Variants in FER1L6 observed in about 807,000 individuals in gnomAD.
FER1L6 encodes fer-1 like family member 6.
A neutral mutation model predicts 219.2 loss-of-function variants in FER1L6; 177 were observed. The ratio of observed to expected loss-of-function variants is 0.81; its 90% CI spans 0.71 to 0.91. The LOEUF (loss-of-function observed/expected upper bound fraction) is 0.91. Among genes scored for constraint, FER1L6 ranks in the 40% least tolerant of loss-of-function variants. The pLI is 0.00. For missense variants in FER1L6, 2,153 were observed against 2,259.9 expected, an observed-to-expected ratio of 0.95 and a Z score of 0.96; for synonymous variants, 768 against 824.3, an observed-to-expected ratio of 0.93 and a Z score of 1.17.
chr8:124,001,921 C>T (rs558378770), intron 12 of FER1L6, among the ~76,000 whole-genome samples: 181 of 152,286 alleles, frequency 1.2e-3, no homozygotes, highest in African/African-American at 4.2e-3. Context: ...TTCCCAGAAA[C>T]GAAACTTGGG....
intron 30 of FER1L6, 99 bp downstream of exon 30, chr8:124,070,697 A>G: frequency 9.3e-7 from 1 of 1,075,606 alleles, no homozygotes; most frequent in Non-Finnish European, 1.3e-6. Flanking sequence ...GGATGTGTGT[A>G]GGGAAAATCC....
intron 12 of FER1L6, among the ~76,000 whole-genome samples, chr8:123,998,573 G>T (rs1295943884): frequency 6.6e-6 from 1 of 152,008 alleles, no homozygotes; most frequent in Non-Finnish European, 1.5e-5. Context: ...TACTGCCTGT[G>T]TTCAGTCAAG....
At chr8:123,900,123 A>C (rs1812830696) in intron 1 of FER1L6, among the ~76,000 whole-genome samples, 1 of 152,210 alleles carries the variant, frequency 6.6e-6, no homozygotes, top group African/African-American at 2.4e-5. Flanking sequence ...CTACCCATCC[A>C]TGAGCATGAG....
chr8:124,084,990 G>T (rs1438258794), intron 33 of FER1L6, among the ~76,000 whole-genome samples: 1 of 152,010 alleles, frequency 6.6e-6, no homozygotes, highest in Non-Finnish European at 1.5e-5. Flanking sequence ...TTGGTAGGTT[G>T]TATGTTTCTA....
In FER1L6 at chr8:124,114,895, GTATATATATATATATATATA is replaced by G. The variant is rs71289637; in HGVS notation, c.5290-3929_5290-3910del. 2.2e-3 allele frequency among the ~76,000 whole-genome samples: 195 copies of G among 90,066 alleles called. 4 individuals carry two copies. The highest frequency in any genetic ancestry group is 0.01 in the South Asian group (22 of 2,168). 59.1% of individuals were successfully genotyped at this position (90,066 alleles called of 152,430 possible). Reference sequence around the variant, plus strand: ...ACATATATATGCAGTGTGTGTGTGCGTATATATATATATATATATATATATATATATATATATATTCCTTT... The same window carrying G: ...ACATATATATGCAGTGTGTGTGTGCGTATATATATATATATATATTCCTTT... On this transcript the variant is annotated intron_variant, in intron 39 of 40. Transcript: ENST00000522917.
intron 1 of FER1L6, among the ~76,000 whole-genome samples, chr8:123,856,745 G>A (rs1428857347): frequency 1.3e-5 from 2 of 151,954 alleles, no homozygotes; most frequent in African/African-American, 4.8e-5. Context: ...TATGTGCAGT[G>A]CAAATGGATT....
intron 1 of FER1L6, among the ~76,000 whole-genome samples, chr8:123,880,088 T>C (rs1404575998): frequency 2.0e-5 from 3 of 152,162 alleles, no homozygotes; most frequent in Non-Finnish European, 4.4e-5. Flanking sequence ...TCCCTAAGGT[T>C]CTCGGAGAAA....
rs193092188 is a variant in FER1L6 at position 124,029,621 on chromosome 8, T to C, written c.2287-5656T>C. ...CCCTCCTTTTAATGGGGTTGTTTTT[T>C]TCTTGTAAATTTGTTTAAGTTCTTT... On this transcript the variant is annotated intron_variant, in intron 18 of 40. Coordinates refer to ENST00000522917, the MANE Select transcript of FER1L6 (RefSeq NM_001039112.2). Among the ~76,000 whole-genome samples, 142 of 152,328 alleles carry C rather than the reference T, an allele frequency of 9.3e-4. 1 individual carries two copies. The highest frequency in any genetic ancestry group is 2.8e-4 in the Non-Finnish European group (19 of 68,026).
chr8:123,976,579 A>G (rs192302261), intron 9 of FER1L6, among the ~76,000 whole-genome samples: 74 of 151,848 alleles, frequency 4.9e-4, no homozygotes, highest in African/African-American at 1.7e-3. Context: ...CTCACTCTTC[A>G]TTGGAGAAAA....
At chr8:123,960,856 G>A (rs941999884) in intron 2 of FER1L6, among the ~76,000 whole-genome samples, 1 of 152,148 alleles carries the variant, frequency 6.6e-6, no homozygotes, top group Non-Finnish European at 1.5e-5. Flanking sequence ...ACAGGCTTCA[G>A]AGATTAGGAC....
In FER1L6 at chr8:124,119,541, G is replaced by A. The variant is rs906311317; in HGVS notation, c.5391-66G>A. 4.7e-6 allele frequency: 5 copies of A among 1,052,714 alleles called. No individual in the cohort carries two copies. The African/African-American group carries it at 6.3e-5, about 13-fold the overall frequency. The allele number at this position is 1,052,714 out of a possible 1,614,324, so 65.2% of individuals were successfully genotyped here. ...AAGTGGGAGTCGGAAACACTTCCTG[G>A]GGTCTTAAGCATTCTGAGTGTTGAC... is the stretch of plus-strand genomic sequence containing the variant. On this transcript the variant is annotated intron_variant, in intron 40 of 40. Transcript: ENST00000522917.
chr8:123,904,601 A>G (rs1812918979), intron 1 of FER1L6, among the ~76,000 whole-genome samples: 1 of 152,170 alleles, frequency 6.6e-6, no homozygotes, highest in African/African-American at 2.4e-5. Flanking sequence ...TTCAACCTAT[A>G]CAAGATACTT....
chr8:123,856,322 ATATAT>A (rs1563663674), intron 1 of FER1L6, among the ~76,000 whole-genome samples: 1 of 64,346 alleles, frequency 1.6e-5, no homozygotes, highest in East Asian at 2.9e-4. Context: ...ATGTGTATAT[ATATAT>A]ATATATATAT....
At chr8:124,028,415 C>T (rs1052100239) in intron 18 of FER1L6, among the ~76,000 whole-genome samples, 9 of 152,096 alleles carry the variant, frequency 5.9e-5, no homozygotes, top group Middle Eastern at 3.2e-3. Flanking sequence ...TCTCTTTATG[C>T]CCCTTTCTCT....
intron 13 of FER1L6, among the ~76,000 whole-genome samples, chr8:124,008,171 T>C (rs1010979902): frequency 1.4e-4 from 22 of 152,212 alleles, no homozygotes; most frequent in African/African-American, 4.8e-4. Context: ...TTAGCTCCCA[T>C]TTATGAATGA....
chr8:123,961,682 T>C (rs1340504171), intron 2 of FER1L6, among the ~76,000 whole-genome samples: 1 of 152,156 alleles, frequency 6.6e-6, no homozygotes, highest in Non-Finnish European at 1.5e-5. Flanking sequence ...AAGGTGGTCT[T>C]GATGCATGTG....
chr8:123,973,564 C>T (rs1404494301), intron 7 of FER1L6, 52 bp downstream of exon 7: 1 of 1,306,330 alleles, frequency 7.7e-7, no homozygotes, highest in Non-Finnish European at 1.1e-6. Flanking sequence ...TGGTTTATAG[C>T]ACCTGGAGTC....
At chr8:123,966,713 T>C (rs910841545) in intron 5 of FER1L6, among the ~76,000 whole-genome samples, 14 of 152,210 alleles carry the variant, frequency 9.2e-5, no homozygotes, top group African/African-American at 3.4e-4. Flanking sequence ...AAGTTACATT[T>C]TTCTAAGCTG....
At chr8:124,072,279 G>A (rs1821112712) in intron 31 of FER1L6, among the ~76,000 whole-genome samples, 1 of 152,198 alleles carries the variant, frequency 6.6e-6, no homozygotes, top group Non-Finnish European at 1.5e-5. Context: ...TTCACTTTGA[G>A]TGTATTTCCA....
Sources: allele counts gnomAD v4.1 joint callset (sites outside exome capture counted in the v4.1 genomes callset), GRCh38; gene constraint gnomAD v4.1.1; transcripts MANE v1.5; gene names NCBI Gene and HGNC (gene_info 2026-07-23, HGNC 2026-07-21).